The following SNX19 variants were observed in gnomAD, a reference collection of about 807,000 sequenced individuals.
SNX19 encodes sorting nexin-19.
SNX19 carries 60 observed loss-of-function variants against 85.2 expected under a neutral mutation model. The ratio of observed to expected loss-of-function variants is 0.70; its 90% confidence interval spans 0.57 to 0.87. The LOEUF (loss-of-function observed/expected upper bound fraction) is 0.87, where lower values mean the gene tolerates loss of function less well. SNX19 is among the 40% of genes least tolerant of loss of function. SNX19 has a pLI of 0.00. For synonymous variants in SNX19, 520 were observed against 470.0 expected (o/e 1.11, Z -1.38); for missense variants, 1,201 against 1,217.8 (o/e 0.99, Z 0.21).
chr11:130,903,967 A>G (rs1036765836), intron 7 of SNX19, among the ~76,000 whole-genome samples: 1 of 152,054 alleles, frequency 6.6e-6, no homozygotes, highest in African/African-American at 2.4e-5. Context: ...AAAAACCTCC[A>G]TTACACAGAG....
At position 130,875,568 on chromosome 11, in the gene SNX19, C is replaced by T. The variant is rs1943202372; in HGVS notation, c.*2854G>A. On this transcript the variant is annotated 3_prime_UTR_variant, in exon 11 of 11. Coordinates refer to ENST00000265909, the MANE Select transcript of SNX19 (RefSeq NM_014758.3). ...AATCACCTTGTAAACTGGAAATTTCCAAAATGGAAATTGGAGTAGCTTGTA... is the reference window on the plus strand; with the variant it reads ...AATCACCTTGTAAACTGGAAATTTCTAAAATGGAAATTGGAGTAGCTTGTA... The T allele has an allele frequency of 6.6e-6, 1 of 151,870 alleles. No individual in the cohort carries two copies. The highest frequency in any genetic ancestry group is 1.5e-5 in the Non-Finnish European group (1 of 67,994). 9.4% of individuals were successfully genotyped at this position (151,870 alleles called of 1,614,324 possible). A position where few individuals can be genotyped will look rare whatever the true frequency, so the allele number is the denominator to read the frequency against.
chr11:130,892,508 A>AGGTCTG (rs1944566521), intron 8 of SNX19, among the ~76,000 whole-genome samples: 1 of 152,208 alleles, frequency 6.6e-6, no homozygotes, highest in Non-Finnish European at 1.5e-5. Flanking sequence ...CTTCTGTAAA[A>AGGTCTG]ATTCAACCAG....
At chr11:130,900,942 A>G (rs1479934642) in intron 8 of SNX19, among the ~76,000 whole-genome samples, 2 of 152,230 alleles carry the variant, frequency 1.3e-5, no homozygotes, top group South Asian at 4.1e-4. Flanking sequence ...TTATTTCTTT[A>G]TTCAATATTT....
chr11:130,888,692 C>G (rs911605789), intron 8 of SNX19, among the ~76,000 whole-genome samples: 5 of 152,200 alleles, frequency 3.3e-5, no homozygotes, highest in Admixed American at 6.5e-5. Context: ...TTTAAAAAGG[C>G]AAGATATCTG....
intron 1 of SNX19, among the ~76,000 whole-genome samples, chr11:130,912,394 A>C (rs1201465915): frequency 6.6e-6 from 1 of 152,222 alleles, no homozygotes; most frequent in Non-Finnish European, 1.5e-5. Flanking sequence ...TGTCTTCCTA[A>C]GCTTAGAGGG....
Position 130,868,097 on chromosome 11 carries a change from T to C in SNX19, c.*10325A>G, listed in dbSNP as rs1261771957. The C allele has an allele frequency of 1.3e-5, 2 of 152,236 alleles. No individual in the cohort carries two copies. Among genetic ancestry groups the C allele is most frequent in the African/African-American group, 4.8e-5 (2 of 41,460 alleles). The allele number at this position is 152,236 out of a possible 1,614,324, so 9.4% of individuals were successfully genotyped here. Reference sequence around the variant, plus strand: ...CCTGAAGAGTTAAACAGACACAATCTGGATGAGTCTCAAAGATAGTAAGAA... The same window carrying C: ...CCTGAAGAGTTAAACAGACACAATCCGGATGAGTCTCAAAGATAGTAAGAA... On this transcript the variant is annotated 3_prime_UTR_variant, in exon 11 of 11. Transcript: ENST00000265909.
rs1043090641 is a variant in SNX19, at chr11:130,901,720, C to T, written c.2573+1535G>A. 8 of 152,058 alleles carry T rather than the reference C, an allele frequency of 5.3e-5. No homozygotes were observed. The South Asian group carries it at 8.3e-4, about 16-fold the overall frequency. 9.4% of individuals were successfully genotyped at this position (152,058 alleles called of 1,614,324 possible). ...GAGTGGAGCCCCTTTTCAAACAAAG[C>T]GTTACCTAGAGCCCCAGTATATTAA... On this transcript the variant is annotated intron_variant, in intron 8 of 10. Coordinates refer to ENST00000265909, the MANE Select transcript of SNX19 (RefSeq NM_014758.3).
rs772725148 is a variant in SNX19, at chr11:130,914,701, G to A, written c.1239C>T (p.Pro413=). 1 of 1,613,896 alleles carries A rather than the reference G, an allele frequency of 6.2e-7. No homozygotes were observed. The highest frequency in any genetic ancestry group is 8.5e-7 in the Non-Finnish European group (1 of 1,179,900). The stretch of plus-strand genomic sequence containing the variant: ...CTCCTTCAGATGCCTCACCATCTTT[G>A]GGTTCCAGAGCCTGGGAACTCTCTA... ...CALESSQALE[P]KDGEASEGAE... The change falls in exon 1 of 11, where the codon CCC becomes CCT. Residue 413 remains proline (P), a synonymous_variant. Coordinates refer to ENST00000265909, the MANE Select transcript of SNX19 (RefSeq NM_014758.3).
Position 130,869,878 on chromosome 11 carries a change from A to C in SNX19, c.*8544T>G, listed in dbSNP as rs953940861. ...GGCAATTAGATTAGTGGGGTAGCCAAGTCACCCACAAAGACTGATGAGCTG... is the reference window on the plus strand; with the variant it reads ...GGCAATTAGATTAGTGGGGTAGCCACGTCACCCACAAAGACTGATGAGCTG... On this transcript the variant is annotated 3_prime_UTR_variant, in exon 11 of 11. Coordinates refer to ENST00000265909, the MANE Select transcript of SNX19 (RefSeq NM_014758.3). The C allele has an allele frequency of 4.6e-5, 7 of 152,010 alleles. No homozygotes were observed. The highest frequency in any genetic ancestry group is 9.7e-5 in the African/African-American group (4 of 41,324). The allele number at this position is 152,010 out of a possible 1,614,324, so 9.4% of individuals were successfully genotyped here. A position where few individuals can be genotyped will look rare whatever the true frequency, so the allele number is the denominator to read the frequency against.
In SNX19 at chr11:130,914,602, C is replaced by T; in HGVS notation, c.1338G>A (p.Glu446=). 1 of 1,613,972 alleles carries T rather than the reference C, an allele frequency of 6.2e-7. No homozygotes were observed. The highest frequency in any genetic ancestry group is 8.5e-7 in the Non-Finnish European group (1 of 1,179,864). The change falls in exon 1 of 11, where the codon GAG becomes GAA. Residue 446 remains glutamate, a synonymous_variant. Transcript: ENST00000265909. ...CCTTGTCTGCTGTGTCAATATGGAT[C>T]TCTGGGCAGGAATTCAGTGTGGAGA... ...LPVSTLNSCP[E]IHIDTADKEI...
Position 130,905,985 on chromosome 11 carries a change from A to T in SNX19, c.2411T>A (p.Val804Glu), listed in dbSNP as rs902990623. Reference protein sequence around the residue: ...RVDSCVSDAAVPAQDPSNSDP... With the variant: ...RVDSCVSDAAEPAQDPSNSDP... ...GCTGTTGCTGGGGTCTTGGGCTGGC[A>T]CGGCTGCATCTGACACGCAACTGTC... Residue 804 changes from valine to glutamate, a missense_variant, in exon 7 of 11, where the codon GTG becomes GAG. Transcript: ENST00000265909. 6.2e-7 allele frequency: 1 copy of T among 1,614,196 alleles called. No individual in the cohort carries two copies. Among genetic ancestry groups the T allele is most frequent in the East Asian group, 2.2e-5 (1 of 44,884 alleles).
At chr11:130,880,367 C>A (rs1436515549) in intron 9 of SNX19, among the ~76,000 whole-genome samples, 1 of 152,172 alleles carries the variant, frequency 6.6e-6, no homozygotes, top group Non-Finnish European at 1.5e-5. Context: ...TAAATATCTG[C>A]AGGATTGTCA....
rs1565557487 is a variant in SNX19 at position 130,914,838 on chromosome 11, A to G, written c.1102T>C (p.Cys368Arg). The change falls in exon 1 of 11, where the codon TGT (cysteine) becomes CGT (arginine). Residue 368 changes from cysteine to arginine, a missense_variant. Transcript: ENST00000265909. Reference sequence around the variant, plus strand: ...GGAGACTCCAGCTCTGAGTCTTCACATAAGAACAGGGGACCTCGAACATTT... The same window carrying G: ...GGAGACTCCAGCTCTGAGTCTTCACGTAAGAACAGGGGACCTCGAACATTT... ...QPNVRGPLFL[C>R]EDSELESPLS... is the part of the protein sequence containing the mutation. The G allele has an allele frequency of 2.5e-6, 4 of 1,614,224 alleles. No individual in the cohort carries two copies. The East Asian group carries it at 6.7e-5, about 27-fold the overall frequency.
At chr11:130,911,912 T>A in intron 1 of SNX19, 141 bp from the exon 2 acceptor site, 1 of 765,198 alleles carries the variant, frequency 1.3e-6, no homozygotes, top group East Asian at 2.7e-5. Flanking sequence ...TCCTATTCTG[T>A]TCCAGAACCT....
At chr11:130,878,610 C>CTGT in intron 10 of SNX19, 56 bp from the exon 11 acceptor site, 2 of 1,567,346 alleles carry the variant, frequency 1.3e-6, no homozygotes, top group Non-Finnish European at 1.7e-6. Flanking sequence ...ACACAAGATC[C>CTGT]TGTTTATGAC....
At chr11:130,882,788 T>C (rs926481969) in intron 8 of SNX19, among the ~76,000 whole-genome samples, 1 of 152,194 alleles carries the variant, frequency 6.6e-6, no homozygotes. Flanking sequence ...GTCTCCTTTC[T>C]TCACCTCAAG....
At chr11:130,881,389 A>G (rs917232266) in intron 8 of SNX19, among the ~76,000 whole-genome samples, 1 of 152,194 alleles carries the variant, frequency 6.6e-6, no homozygotes, top group Non-Finnish European at 1.5e-5. Context: ...GAAGTTTTAC[A>G]GAACAGAACA....
Position 130,916,016 on chromosome 11 carries a change from A to G in SNX19, c.-77T>C, listed in dbSNP as rs1946563602. The stretch of plus-strand genomic sequence containing the variant: ...TCAGAGTTAGGGAAGGGGGGCATGA[A>G]CTGTGTCTCAGATATGGGGCGATCT... On this transcript the variant is annotated 5_prime_UTR_variant, in exon 1 of 11. Coordinates refer to ENST00000265909, the MANE Select transcript of SNX19 (RefSeq NM_014758.3). 1.5e-6 allele frequency: 2 copies of G among 1,344,676 alleles called. No individual in the cohort carries two copies. The highest frequency in any genetic ancestry group is 2.1e-6 in the Non-Finnish European group (2 of 975,242). The allele number at this position is 1,344,676 out of a possible 1,614,324, so 83.3% of individuals were successfully genotyped here. A position where few individuals can be genotyped will look rare whatever the true frequency, so the allele number is the denominator to read the frequency against.
At chr11:130,881,544 G>C (rs1008544205) in intron 8 of SNX19, among the ~76,000 whole-genome samples, 1 of 152,198 alleles carries the variant, frequency 6.6e-6, no homozygotes, top group Admixed American at 6.5e-5. Context: ...AGACTTCACA[G>C]CTACGGACTT....
Sources: allele counts gnomAD v4.1 joint callset (sites outside exome capture counted in the v4.1 genomes callset), GRCh38; gene constraint gnomAD v4.1.1; transcripts MANE v1.5; gene names NCBI Gene and HGNC (gene_info 2026-07-23, HGNC 2026-07-21).